PTPRM: variants seen among roughly 807,000 people sequenced by gnomAD.
The protein encoded by PTPRM is receptor-type tyrosine-protein phosphatase mu.
A neutral mutation model predicts 186.7 loss-of-function variants in PTPRM; 47 were observed. The ratio of observed to expected loss-of-function variants is 0.25; its 90% confidence interval spans 0.20 to 0.32. The LOEUF is 0.32. PTPRM is among the 10% of genes least tolerant of loss of function. The probability of loss-of-function intolerance (pLI) is 1.00; values close to 1 mark genes in which losing one functional copy is unlikely to be tolerated. For missense variants in PTPRM, 1,494 were observed against 1,865.0 expected (o/e 0.80, Z 3.66); for synonymous variants, 668 against 674.9 (o/e 0.99, Z 0.16).
intron 1 of PTPRM, among the ~76,000 whole-genome samples, chr18:7,692,577 A>G (rs2039757510): frequency 6.6e-6 from 1 of 152,228 alleles, no homozygotes; most frequent in Non-Finnish European, 1.5e-5. Context: ...CAACATTTTT[A>G]TTTTGAATCA....
Position 7,841,281 on chromosome 18 carries a change from C to CTTTTTT in PTPRM, c.197-46802_197-46797dup, listed in dbSNP as rs34688860. 2.0e-3 allele frequency among the ~76,000 whole-genome samples: 138 copies of CTTTTTT among 70,230 alleles called. 5 individuals carry two copies. Among genetic ancestry groups the CTTTTTT allele is most frequent in the African/African-American group, 4.2e-3 (65 of 15,458 alleles). 46.1% of individuals were successfully genotyped at this position (70,230 alleles called of 152,430 possible). On this transcript the variant is annotated intron_variant, in intron 2 of 32. Transcript: ENST00000580170. The stretch of plus-strand genomic sequence containing the variant: ...TGGACATTTTTGGCTCAAATCATTT[C>CTTTTTT]TTTTTTTTTTTTTTTTTTTTTTTTT...
chr18:7,612,482 G>C (rs2037700764), intron 1 of PTPRM, among the ~76,000 whole-genome samples: 2 of 152,126 alleles, frequency 1.3e-5, no homozygotes, highest in Non-Finnish European at 2.9e-5. Context: ...TGACCAGGCT[G>C]GTCAGACCTG....
Position 8,214,379 on chromosome 18 carries a change from T to C in PTPRM, c.2301-29679T>C, listed in dbSNP as rs1012117890. 5.3e-5 allele frequency among the ~76,000 whole-genome samples: 8 copies of C among 152,342 alleles called. No individual in the cohort carries two copies. In the East Asian group the frequency reaches 1.5e-3, roughly 29 times the overall value. On this transcript the variant is annotated intron_variant, in intron 14 of 32. Transcript: ENST00000580170. ...ATAGCAACATAGTGACAATATTAGGTAGCAATTTCTGAACCACAGCTTTGA... is the reference window on the plus strand; with the variant it reads ...ATAGCAACATAGTGACAATATTAGGCAGCAATTTCTGAACCACAGCTTTGA...
rs147694074 is a variant in PTPRM, at chr18:7,925,675, A to G, written c.548-893A>G. Among the ~76,000 whole-genome samples the G allele has an allele frequency of 3.0e-3, 453 of 151,644 alleles. 5 individuals carry two copies. Among genetic ancestry groups the G allele is most frequent in the African/African-American group, 0.01 (432 of 41,334 alleles). ...AGTATGATCATCCCCTTTGCTTCCCACCTCTTCTGTGGGAAGCACTCTGCT... is the reference window on the plus strand; with the variant it reads ...AGTATGATCATCCCCTTTGCTTCCCGCCTCTTCTGTGGGAAGCACTCTGCT... On this transcript the variant is annotated intron_variant, in intron 4 of 32. Coordinates refer to ENST00000580170, the MANE Select transcript of PTPRM (RefSeq NM_001105244.2).
chr18:8,188,069 AG>A (rs1476959332), intron 14 of PTPRM, among the ~76,000 whole-genome samples: 1 of 152,246 alleles, frequency 6.6e-6, no homozygotes, highest in African/African-American at 2.4e-5. Flanking sequence ...CAGAAATTGT[AG>A]GCTCCTAAAT....
At chr18:7,783,445 T>G (rs1465525663) in intron 2 of PTPRM, among the ~76,000 whole-genome samples, 1 of 152,138 alleles carries the variant, frequency 6.6e-6, no homozygotes, top group African/African-American at 2.4e-5. Flanking sequence ...GAGGGGTTAG[T>G]GGGTAGAGAT....
At chr18:7,949,143 AT>A in intron 5 of PTPRM, 37 bp from the exon 6 acceptor site, 1 of 1,511,818 alleles carries the variant, frequency 6.6e-7, no homozygotes, top group Non-Finnish European at 9.1e-7. Context: ...GACAGCTTAT[AT>A]TGCTTCTTTT....
chr18:7,911,649 A>G (rs1005280772), intron 4 of PTPRM, among the ~76,000 whole-genome samples: 1 of 152,126 alleles, frequency 6.6e-6, no homozygotes, highest in African/African-American at 2.4e-5. Context: ...ATTCAAAAAC[A>G]TTTACCCCCA....
chr18:7,583,199 C>T (rs1163993705), intron 1 of PTPRM, among the ~76,000 whole-genome samples: 1 of 152,218 alleles, frequency 6.6e-6, no homozygotes, highest in Non-Finnish European at 1.5e-5. Flanking sequence ...AAATTTGCTA[C>T]CATTTCTCCT....
intron 7 of PTPRM, among the ~76,000 whole-genome samples, chr18:8,016,276 T>G (rs57525648): frequency 0.041 from 6,272 of 152,092 alleles, 434 homozygotes; most frequent in African/African-American, 0.14. Context: ...TTCCAGCACT[T>G]TGTGAGGCTG....
intron 7 of PTPRM, among the ~76,000 whole-genome samples, chr18:7,984,600 TATACACAC>T (rs1342797637): frequency 4.5e-5 from 5 of 110,966 alleles, no homozygotes; most frequent in African/African-American, 1.5e-4. Flanking sequence ...TATATATATA[TATACACAC>T]ACACACACAC....
intron 1 of PTPRM, among the ~76,000 whole-genome samples, chr18:7,734,646 A>C (rs1476364660): frequency 1.3e-5 from 2 of 152,210 alleles, no homozygotes; most frequent in Non-Finnish European, 2.9e-5. Context: ...ATGTTAATTA[A>C]AAGAAGGGAG....
intron 7 of PTPRM, among the ~76,000 whole-genome samples, chr18:8,028,376 T>C (rs1484626681): frequency 6.6e-6 from 1 of 152,174 alleles, no homozygotes; most frequent in Non-Finnish European, 1.5e-5. Context: ...AGATCCCTAA[T>C]CTGATAACCT....
intron 23 of PTPRM, among the ~76,000 whole-genome samples, chr18:8,363,038 C>T (rs2095606203): frequency 6.6e-6 from 1 of 152,192 alleles, no homozygotes; most frequent in Admixed American, 6.5e-5. Context: ...CTCTGCATCC[C>T]CAGCAATGCC....
chr18:8,240,835 AAAGAAAG>A (rs1403614187), intron 14 of PTPRM, among the ~76,000 whole-genome samples: 1 of 131,508 alleles, frequency 7.6e-6, no homozygotes, highest in African/African-American at 2.9e-5. Context: ...AGAAAGAAAG[AAAGAAAG>A]AAAAGAAAGA....
chr18:8,361,245 T>C (rs2148393078), intron 23 of PTPRM, among the ~76,000 whole-genome samples: 1 of 152,332 alleles, frequency 6.6e-6, no homozygotes, highest in South Asian at 2.1e-4. Flanking sequence ...CAGAGGCATT[T>C]AGCCCTGATT....
At chr18:7,678,809 C>T (rs549280108) in intron 1 of PTPRM, among the ~76,000 whole-genome samples, 5 of 152,314 alleles carry the variant, frequency 3.3e-5, no homozygotes, top group South Asian at 4.1e-4. Context: ...CTTATGCAGT[C>T]GTGCCCCTGT....
At chr18:7,896,544 C>T (rs2049366782) in intron 3 of PTPRM, among the ~76,000 whole-genome samples, 1 of 152,168 alleles carries the variant, frequency 6.6e-6, no homozygotes, top group Non-Finnish European at 1.5e-5. Flanking sequence ...AAATCTCCTT[C>T]CCCCATGGGT....
chr18:8,220,391 G>A (rs570681507), intron 14 of PTPRM, among the ~76,000 whole-genome samples: 6 of 152,284 alleles, frequency 3.9e-5, no homozygotes, highest in Middle Eastern at 3.4e-3. Flanking sequence ...ACAGTCATAA[G>A]ATACTCTTAC....
Sources: allele counts gnomAD v4.1 joint callset (sites outside exome capture counted in the v4.1 genomes callset), GRCh38; gene constraint gnomAD v4.1.1; transcripts MANE v1.5; gene names NCBI Gene and HGNC (gene_info 2026-07-23, HGNC 2026-07-21).